RTN4RL1: variants seen among roughly 807,000 people sequenced by gnomAD.
The protein encoded by RTN4RL1 is reticulon-4 receptor-like 1.
In RTN4RL1, 7 loss-of-function variants were observed where a neutral mutation model predicts 25.6. That is an observed-to-expected ratio of 0.27 (90% CI 0.16 to 0.51). RTN4RL1 has a LOEUF of 0.51. RTN4RL1 is among the 20% of genes least tolerant of loss of function. RTN4RL1 has a pLI of 0.97. For missense variants in RTN4RL1, 500 were observed against 615.6 expected, an observed-to-expected ratio of 0.81 and a Z score of 1.99; for synonymous variants, 297 against 288.2, an observed-to-expected ratio of 1.03 and a Z score of -0.31.
At chr17:1,938,820 G>A (rs1239574947) in intron 1 of RTN4RL1, among the ~76,000 whole-genome samples, 1 of 151,792 alleles carries the variant, frequency 6.6e-6, no homozygotes, top group African/African-American at 2.4e-5. Flanking sequence ...GGAAGCCGAG[G>A]CAGGCGGATC....
At chr17:2,023,602 A>T (rs1422494229) in intron 1 of RTN4RL1, 1 of 152,238 alleles carries the variant, frequency 6.6e-6, no homozygotes, top group Non-Finnish European at 1.5e-5. Flanking sequence ...TGACCTGCTT[A>T]TATCTGGGTC....
intron 1 of RTN4RL1, among the ~76,000 whole-genome samples, chr17:1,954,749 C>T (rs1011754591): frequency 6.6e-6 from 1 of 152,196 alleles, no homozygotes; most frequent in Non-Finnish European, 1.5e-5. Context: ...CAACTGGTTC[C>T]TGGTACATAG....
At chr17:1,945,237 T>C (rs2151305727) in intron 1 of RTN4RL1, among the ~76,000 whole-genome samples, 1 of 152,244 alleles carries the variant, frequency 6.6e-6, no homozygotes, top group East Asian at 1.9e-4. Flanking sequence ...TGTTTTTTGT[T>C]TTCTGTGACA....
rs545097337 is a variant in RTN4RL1 at position 1,957,847 on chromosome 17, C to T, written c.14-20039G>A. Among the ~76,000 whole-genome samples the T allele has an allele frequency of 2.8e-3, 390 of 139,962 alleles. 1 individual carries two copies. The highest frequency in any genetic ancestry group is 0.01 in the African/African-American group (376 of 37,000). 91.8% of individuals were successfully genotyped at this position (139,962 alleles called of 152,430 possible). Reference sequence around the variant, plus strand: ...CAATAGAGTGAGACTCTGTCTCAAACAACAACAACAAAACAAACAAACAAA... The same window carrying T: ...CAATAGAGTGAGACTCTGTCTCAAATAACAACAACAAAACAAACAAACAAA... On this transcript the variant is annotated intron_variant, in intron 1 of 1. Transcript: ENST00000331238.
chr17:1,956,888 C>T lies in RTN4RL1; in HGVS notation c.14-19080G>A, dbSNP rs143836068. The stretch of plus-strand genomic sequence containing the variant: ...CTCCCCGAGTAGCTGGGATTACAGG[C>T]GTCCACCACCACGCCCGGCTTTTGT... On this transcript the variant is annotated intron_variant, in intron 1 of 1. Transcript: ENST00000331238. Among the ~76,000 whole-genome samples, 902 of 152,120 alleles carry T rather than the reference C, an allele frequency of 5.9e-3. 8 individuals carry two copies. Among genetic ancestry groups the T allele is most frequent in the African/African-American group, 0.02 (830 of 41,480 alleles).
At chr17:1,948,529 AC>A (rs925458484) in intron 1 of RTN4RL1, among the ~76,000 whole-genome samples, 2 of 152,092 alleles carry the variant, frequency 1.3e-5, no homozygotes, top group Non-Finnish European at 1.5e-5. Flanking sequence ...ATTGTGGACC[AC>A]CCACTGCCGG....
intron 1 of RTN4RL1, among the ~76,000 whole-genome samples, chr17:1,953,635 G>A (rs1915729745): frequency 1.3e-5 from 2 of 152,024 alleles, no homozygotes; most frequent in South Asian, 2.1e-4. Context: ...CGTGATCTCG[G>A]CTCACTGCAA....
At chr17:1,960,691 C>A (rs373440844) in intron 1 of RTN4RL1, among the ~76,000 whole-genome samples, 1 of 152,176 alleles carries the variant, frequency 6.6e-6, no homozygotes, top group Non-Finnish European at 1.5e-5. Context: ...CTCCATCCCC[C>A]TTAGCAGTCA....
chr17:1,956,946 G>C (rs964736205), intron 1 of RTN4RL1, among the ~76,000 whole-genome samples: 4 of 151,950 alleles, frequency 2.6e-5, no homozygotes, highest in Non-Finnish European at 5.9e-5. Context: ...CACCATGTTG[G>C]CCAGGCTGGT....
At chr17:2,004,118 C>CTTTGGG (rs2066977258) in intron 1 of RTN4RL1, among the ~76,000 whole-genome samples, 1 of 150,980 alleles carries the variant, frequency 6.6e-6, no homozygotes, top group African/African-American at 2.4e-5. Context: ...CCTGTAATCC[C>CTTTGGG]AGCACTTTGG....
Position 1,937,759 on chromosome 17 carries a change from C to G in RTN4RL1, c.63G>C (p.Leu21=), listed in dbSNP as rs1292230165. The stretch of plus-strand genomic sequence containing the variant: ...CACAGTCCCGTGGGCAGCCACCACC[C>G]AGGGGCAGCTCCGCAGCTACCAACA... ...LLLLVAAELP[L]GGGCPRDCVC... Residue 21 remains leucine (L), a synonymous_variant, in exon 2 of 2, where the codon CTG becomes CTC. Coordinates refer to ENST00000331238, the MANE Select transcript of RTN4RL1 (RefSeq NM_178568.4). 1 of 1,604,932 alleles carries G rather than the reference C, an allele frequency of 6.2e-7. No individual in the cohort carries two copies. The highest frequency in any genetic ancestry group is 2.2e-5 in the East Asian group (1 of 44,848).
intron 1 of RTN4RL1, among the ~76,000 whole-genome samples, chr17:1,954,383 CTT>C (rs55654151): frequency 4.7e-4 from 58 of 124,276 alleles, no homozygotes; most frequent in Middle Eastern, 4.0e-3. Flanking sequence ...TGCTTCCTTC[CTT>C]TTTTTTTTTT....
intron 1 of RTN4RL1, among the ~76,000 whole-genome samples, chr17:1,947,948 A>T (rs1384462055): frequency 6.6e-6 from 1 of 152,166 alleles, no homozygotes. Context: ...GGCTGGTTGT[A>T]CGGGTGGCCC....
intron 1 of RTN4RL1, among the ~76,000 whole-genome samples, chr17:1,987,996 C>T (rs545443295): frequency 6.6e-6 from 1 of 152,052 alleles, no homozygotes; most frequent in South Asian, 2.1e-4. Flanking sequence ...ATCCCAGCTA[C>T]TCGGGAGGCT....
intron 1 of RTN4RL1, chr17:2,019,939 G>C (rs1281262545): frequency 2.0e-5 from 3 of 152,216 alleles, no homozygotes; most frequent in Non-Finnish European, 4.4e-5. Flanking sequence ...CTGTTATTCT[G>C]GCATGCTGGT....
At chr17:1,959,609 G>C (rs746309237) in intron 1 of RTN4RL1, among the ~76,000 whole-genome samples, 15 of 152,120 alleles carry the variant, frequency 9.9e-5, no homozygotes, top group Non-Finnish European at 1.6e-4. Context: ...GTGTCACCCA[G>C]GCTGGAGTGT....
At chr17:1,956,795 C>T (rs1260245981) in intron 1 of RTN4RL1, among the ~76,000 whole-genome samples, 6 of 147,912 alleles carry the variant, frequency 4.1e-5, no homozygotes, top group Non-Finnish European at 7.4e-5. Flanking sequence ...CAGGCTAGAG[C>T]GCAATGGTGC....
intron 1 of RTN4RL1, chr17:2,023,602 A>G (rs1422494229): frequency 3.3e-5 from 5 of 152,238 alleles, no homozygotes; most frequent in African/African-American, 1.2e-4. Context: ...TGACCTGCTT[A>G]TATCTGGGTC....
chr17:1,952,504 G>A (rs776029864), intron 1 of RTN4RL1, among the ~76,000 whole-genome samples: 1 of 151,714 alleles, frequency 6.6e-6, no homozygotes, highest in Admixed American at 6.6e-5. Flanking sequence ...CACCACGCCC[G>A]GCTAATTTTT....
Sources: gnomAD v4.1 joint callset for allele counts (sites outside exome capture counted in the v4.1 genomes callset) on GRCh38, gnomAD v4.1.1 for gene constraint, MANE v1.5 for transcripts, NCBI Gene and HGNC (gene_info 2026-07-23, HGNC 2026-07-21) for gene names.